Variants in FNTB observed in about 807,000 individuals in gnomAD.
FNTB encodes farnesyltransferase, CAAX box, subunit beta.
In FNTB, 27 loss-of-function variants were observed where a neutral mutation model predicts 59.4. That is an observed-to-expected ratio of 0.45 (90% CI 0.34 to 0.63). FNTB has a LOEUF of 0.63. Among genes scored for constraint, FNTB ranks in the 20% least tolerant of loss-of-function variants. The probability of loss-of-function intolerance (pLI) is 0.02; values close to 1 mark genes in which losing one functional copy is unlikely to be tolerated. For missense variants in FNTB, 449 were observed against 559.6 expected (o/e 0.80, Z 1.99); for synonymous variants, 230 against 220.7 (o/e 1.04, Z -0.37).
intron 7 of FNTB, among the ~76,000 whole-genome samples, chr14:65,040,287 ATATATATATG>A (rs1236402396): frequency 6.7e-6 from 1 of 148,392 alleles, no homozygotes; most frequent in Non-Finnish European, 1.5e-5. Context: ...ATGTGTGTAT[ATATATATATG>A]TATATATATG....
At chr14:64,995,650 G>A (rs1888363399) in intron 1 of FNTB, among the ~76,000 whole-genome samples, 1 of 150,830 alleles carries the variant, frequency 6.6e-6, no homozygotes. Flanking sequence ...TGTGTGTATA[G>A]TTTATAAGTT....
intron 7 of FNTB, among the ~76,000 whole-genome samples, chr14:65,040,220 AATTTT>A (rs1021411985): frequency 1.9e-4 from 28 of 149,440 alleles, no homozygotes; most frequent in Admixed American, 1.6e-3. Flanking sequence ...ATCACTCTTT[AATTTT>A]ATTTTAACTT....
chr14:65,022,057 G>T (rs1479730717), intron 4 of FNTB: 4 of 455,904 alleles, frequency 8.8e-6, no homozygotes, highest in Admixed American at 4.7e-5. Flanking sequence ...AGCAGCAGAG[G>T]CCACCCGGAA....
At chr14:64,987,144 A>C (rs1352249025) in intron 1 of FNTB, 47 bp downstream of exon 1, 1 of 1,609,088 alleles carries the variant, frequency 6.2e-7, no homozygotes, top group Non-Finnish European at 8.5e-7. Context: ...GTGTTCTGGG[A>C]GCGCGAGTCC....
intron 1 of FNTB, 147 bp downstream of exon 1, chr14:64,987,244 C>A: frequency 1.0e-6 from 1 of 974,838 alleles, no homozygotes; most frequent in East Asian, 2.6e-5. Flanking sequence ...AAGCTCCGGG[C>A]GCCCAGGCTT....
rs1302686771 is a variant in FNTB at position 65,032,019 on chromosome 14, T to TAC, written c.606-590_606-589dup. Among the ~76,000 whole-genome samples, 1 of 148,666 alleles carries TAC rather than the reference T, an allele frequency of 6.7e-6. No individual in the cohort carries two copies. The highest frequency in any genetic ancestry group is 1.5e-5 in the Non-Finnish European group (1 of 67,324). The stretch of plus-strand genomic sequence containing the variant: ...GTGTGTGTGTGTGTGTGTGTGTGTG[T>TAC]ACTGGTGAGAGGTTTGAAATCAAGG... On this transcript the variant is annotated intron_variant, in intron 6 of 11. Transcript: ENST00000246166. This position sits in a 1 kb window ranked among gnomAD's most constrained non-coding sequence, Gnocchi z 5.0.
At position 65,032,749 on chromosome 14, in the gene FNTB, A is replaced by G. The variant is rs1365288639; in HGVS notation, c.692+53A>G. 1.9e-6 allele frequency: 3 copies of G among 1,550,820 alleles called. No homozygotes were observed. Among genetic ancestry groups the G allele is most frequent in the African/African-American group, 1.4e-5 (1 of 72,368 alleles). On this transcript the variant is annotated intron_variant, in intron 7 of 11. Coordinates refer to ENST00000246166, the MANE Select transcript of FNTB (RefSeq NM_002028.4). This position sits in a 1 kb window ranked among gnomAD's most constrained non-coding sequence, Gnocchi z 5.0. ...CTCTTGGAGAGCAGGCGGTCACGACACTACTTCAGAAAAATAAAGAAAATG... is the reference window on the plus strand; with the variant it reads ...CTCTTGGAGAGCAGGCGGTCACGACGCTACTTCAGAAAAATAAAGAAAATG...
At chr14:65,004,462 G>A in intron 2 of FNTB, 149 bp downstream of exon 2, 3 of 806,118 alleles carry the variant, frequency 3.7e-6, no homozygotes, top group Admixed American at 4.7e-5. Flanking sequence ...GATATGCTAA[G>A]ACCCCCACTC....
chr14:64,993,333 G>A (rs1459448150), intron 1 of FNTB, among the ~76,000 whole-genome samples: 3 of 152,200 alleles, frequency 2.0e-5, no homozygotes, highest in African/African-American at 2.4e-5. Context: ...ATGGAAGTGT[G>A]AGTTTATATC....
intron 11 of FNTB, among the ~76,000 whole-genome samples, chr14:65,060,540 C>CAA (rs2062839467): frequency 7.9e-6 from 1 of 127,198 alleles, no homozygotes. Flanking sequence ...ACTAAAAATA[C>CAA]AAAAAATTAG....
Position 65,054,138 on chromosome 14 carries a change from G to C in FNTB, c.1068-437G>C, listed in dbSNP as rs2062675517. ...ATTGTATTTTACTTTTTTGAGACAGGGTCTCACTCTGTCACCCAGGCTGGA... is the reference window on the plus strand; with the variant it reads ...ATTGTATTTTACTTTTTTGAGACAGCGTCTCACTCTGTCACCCAGGCTGGA... On this transcript the variant is annotated intron_variant, in intron 10 of 11. Coordinates refer to ENST00000246166, the MANE Select transcript of FNTB (RefSeq NM_002028.4). This position sits in a 1 kb window ranked among gnomAD's most constrained non-coding sequence, Gnocchi z 4.4. Among the ~76,000 whole-genome samples, 1 of 151,664 alleles carries C rather than the reference G, an allele frequency of 6.6e-6. No individual in the cohort carries two copies. The highest frequency in any genetic ancestry group is 1.5e-5 in the Non-Finnish European group (1 of 67,950).
intron 9 of FNTB, among the ~76,000 whole-genome samples, chr14:65,051,510 C>T (rs2062609588): frequency 6.6e-6 from 1 of 151,718 alleles, no homozygotes. Context: ...ACTCGGGAGG[C>T]TGAGGCAGGA....
intron 1 of FNTB, among the ~76,000 whole-genome samples, chr14:64,999,321 C>G (rs758810571): frequency 6.6e-6 from 1 of 152,262 alleles, no homozygotes; most frequent in South Asian, 2.1e-4. Flanking sequence ...GCCTGTAATC[C>G]CAGCTACTTA....
At chr14:65,002,627 A>G (rs1185244296) in intron 1 of FNTB, among the ~76,000 whole-genome samples, 1 of 115,724 alleles carries the variant, frequency 8.6e-6, no homozygotes, top group Non-Finnish European at 1.9e-5. Flanking sequence ...ATAATAAAAT[A>G]AAAAAAAAGA....
Position 65,031,514 on chromosome 14 carries a change from C to T in FNTB, c.606-1096C>T, listed in dbSNP as rs1486851623. Among the ~76,000 whole-genome samples, 2 of 151,812 alleles carry T rather than the reference C, an allele frequency of 1.3e-5. No homozygotes were observed. Among genetic ancestry groups the T allele is most frequent in the South Asian group, 2.1e-4 (1 of 4,826 alleles). ...TGTGTTTTTAGTGGAGACGGGGTTT[C>T]GCAATATTGGTCAGGTTGGTCTTGA... On this transcript the variant is annotated intron_variant, in intron 6 of 11. Transcript: ENST00000246166. The surrounding 1 kb of genome is among the most constrained non-coding windows in gnomAD (Gnocchi z 4.6).
In FNTB at chr14:64,991,739, C is replaced by T. The variant is rs921244408; in HGVS notation, c.144+4642C>T. Among the ~76,000 whole-genome samples the T allele has an allele frequency of 2.6e-5, 4 of 152,090 alleles. No individual in the cohort carries two copies. The highest frequency in any genetic ancestry group is 5.9e-5 in the Non-Finnish European group (4 of 68,018). ...GTGGTCAGGATGACTTCATGGAGAA[C>T]GTGGAACTGGGTGGGCTGTAAAAAA... On this transcript the variant is annotated intron_variant, in intron 1 of 11. Coordinates refer to ENST00000246166, the MANE Select transcript of FNTB (RefSeq NM_002028.4). The surrounding 1 kb of genome is among the most constrained non-coding windows in gnomAD (Gnocchi z 4.4).
chr14:65,013,526 A>G (rs2061717742), intron 3 of FNTB, among the ~76,000 whole-genome samples: 1 of 152,190 alleles, frequency 6.6e-6, no homozygotes, highest in African/African-American at 2.4e-5. Context: ...AATTTATTGA[A>G]CAGTGTGCTG....
At chr14:65,022,520 ATAT>A (rs907473131) in intron 4 of FNTB, among the ~76,000 whole-genome samples, 3 of 151,804 alleles carry the variant, frequency 2.0e-5, no homozygotes, top group Non-Finnish European at 2.9e-5. Context: ...ATTGTCTGTA[ATAT>A]TAAGCTTTTT....
intron 9 of FNTB, among the ~76,000 whole-genome samples, chr14:65,052,726 G>A (rs904511737): frequency 3.3e-5 from 5 of 152,250 alleles, no homozygotes; most frequent in African/African-American, 1.2e-4. Flanking sequence ...TGAGAGACAA[G>A]TTAGAGAATT....
Sources: gnomAD v4.1 joint callset for allele counts (sites outside exome capture counted in the v4.1 genomes callset) on GRCh38, gnomAD v4.1.1 for gene constraint, Gnocchi (gnomAD v3.1) non-coding constraint, MANE v1.5 for transcripts, NCBI Gene and HGNC (gene_info 2026-07-23, HGNC 2026-07-21) for gene names.